ANO4: variants seen among roughly 807,000 people sequenced by gnomAD.
ANO4 encodes anoctamin-4.
ANO4 carries 69 observed loss-of-function variants against 141.9 expected under a neutral mutation model. That is an observed-to-expected ratio of 0.49 (90% CI 0.40 to 0.59). The LOEUF (loss-of-function observed/expected upper bound fraction) is 0.59, where lower values mean the gene tolerates loss of function less well. ANO4 is among the 20% of genes least tolerant of loss of function. The pLI is 0.00. For synonymous variants in ANO4, 350 were observed against 394.3 expected (o/e 0.89, Z 1.33); for missense variants, 894 against 1,162.2 (o/e 0.77, Z 3.36).
intron 1 of ANO4, among the ~76,000 whole-genome samples, chr12:100,801,897 A>C (rs556723566): frequency 2.0e-5 from 3 of 152,280 alleles, no homozygotes; most frequent in Admixed American, 6.5e-5. Context: ...GCCAAATAGA[A>C]ATTTGTTTGG....
chr12:101,088,194 T>G (rs2049587201), intron 17 of ANO4, among the ~76,000 whole-genome samples: 1 of 152,172 alleles, frequency 6.6e-6, no homozygotes, highest in Non-Finnish European at 1.5e-5. Context: ...CACTTGTCCT[T>G]TTGATGCTCT....
intron 3 of ANO4, among the ~76,000 whole-genome samples, chr12:100,751,092 C>T (rs2032354374): frequency 6.6e-6 from 1 of 152,140 alleles, no homozygotes; most frequent in South Asian, 2.1e-4. Flanking sequence ...TGTAACCTGC[C>T]ATCATTGCCT....
At chr12:100,805,041 A>G (rs887945005) in intron 1 of ANO4, among the ~76,000 whole-genome samples, 3 of 152,140 alleles carry the variant, frequency 2.0e-5, no homozygotes, top group African/African-American at 7.2e-5. Context: ...TGTGTCCTGA[A>G]TGGTATTGCC....
At chr12:100,901,418 C>T (rs2040586096) in intron 1 of ANO4, among the ~76,000 whole-genome samples, 1 of 152,104 alleles carries the variant, frequency 6.6e-6, no homozygotes, top group African/African-American at 2.4e-5. Flanking sequence ...CACATTTTCC[C>T]AGCATTTTGG....
intron 8 of ANO4, among the ~76,000 whole-genome samples, chr12:100,995,901 G>A (rs1483404618): frequency 6.6e-6 from 1 of 152,176 alleles, no homozygotes; most frequent in Non-Finnish European, 1.5e-5. Context: ...GTTACCGCTG[G>A]GGGACAGAGC....
chr12:100,915,462 C>T (rs1276066114), intron 2 of ANO4, among the ~76,000 whole-genome samples: 1 of 152,122 alleles, frequency 6.6e-6, no homozygotes, highest in Non-Finnish European at 1.5e-5. Flanking sequence ...TAGAAAATAT[C>T]ATTTGTCCTC....
At chr12:101,067,947 G>A (rs1329156220) in intron 14 of ANO4, among the ~76,000 whole-genome samples, 1 of 152,134 alleles carries the variant, frequency 6.6e-6, no homozygotes, top group Admixed American at 6.5e-5. Flanking sequence ...TTGGAATACT[G>A]GAGACTTCAT....
chr12:100,955,407 C>T (rs2043139742), intron 5 of ANO4, among the ~76,000 whole-genome samples: 1 of 152,194 alleles, frequency 6.6e-6, no homozygotes, highest in African/African-American at 2.4e-5. Context: ...TCTTCACAGG[C>T]TGCCTAGGCT....
intron 3 of ANO4, among the ~76,000 whole-genome samples, chr12:100,938,212 C>T (rs1027140767): frequency 6.6e-6 from 1 of 152,198 alleles, no homozygotes; most frequent in African/African-American, 2.4e-5. Flanking sequence ...CATCTCTATT[C>T]TCTCTATATC....
chr12:100,882,064 A>G (rs185606720), intron 1 of ANO4, among the ~76,000 whole-genome samples: 133 of 152,322 alleles, frequency 8.7e-4, no homozygotes, highest in African/African-American at 3.0e-3. Flanking sequence ...GTTAATGATA[A>G]TAATACCAAT....
At chr12:100,758,914 T>G (rs2032733582) in intron 3 of ANO4, among the ~76,000 whole-genome samples, 1 of 152,160 alleles carries the variant, frequency 6.6e-6, no homozygotes, top group African/African-American at 2.4e-5. Flanking sequence ...GTGTCTGTCT[T>G]CCCTTTTTCT....
intron 1 of ANO4, among the ~76,000 whole-genome samples, chr12:100,893,238 G>T (rs1345516533): frequency 6.6e-6 from 1 of 150,614 alleles, no homozygotes; most frequent in East Asian, 1.9e-4. Flanking sequence ...GCAAGAAGGA[G>T]GATTTTTTTT....
Position 100,783,024 on chromosome 12 carries a change from AC to A in ANO4, c.358+42920del, listed in dbSNP as rs536273048. Among the ~76,000 whole-genome samples the A allele has an allele frequency of 2.7e-4, 41 of 152,312 alleles. 1 individual carries two copies. The South Asian group carries it at 8.3e-3, about 31-fold the overall frequency. On this transcript the variant is annotated intron_variant, in intron 3 of 29. Coordinates refer to the ANO4 transcript ENST00000644049. The stretch of plus-strand genomic sequence containing the variant: ...CATTGTTAACAGAATCTGAATCCTC[AC>A]AGTGGCTCCGAGGTTGGAGGCTTCT...
chr12:100,717,811 C>T (rs2030676139), intron 1 of ANO4, among the ~76,000 whole-genome samples: 3 of 152,182 alleles, frequency 2.0e-5, no homozygotes, highest in Admixed American at 2.0e-4. Context: ...AGAAACATTC[C>T]CCTCGCTTCC....
chr12:101,038,883 T>G (rs1312106468), intron 10 of ANO4: 1 of 152,068 alleles, frequency 6.6e-6, no homozygotes, highest in African/African-American at 2.4e-5. Flanking sequence ...GAGACCAGCC[T>G]GGGCAACATA....
At chr12:100,726,227 C>T (rs2031110900) in intron 1 of ANO4, among the ~76,000 whole-genome samples, 1 of 152,040 alleles carries the variant, frequency 6.6e-6, no homozygotes, top group African/African-American at 2.4e-5. Flanking sequence ...CTGTGTTAAA[C>T]TTCAGTAAAA....
chr12:100,949,831 T>C (rs1472826569), intron 5 of ANO4, among the ~76,000 whole-genome samples: 9 of 152,212 alleles, frequency 5.9e-5, no homozygotes, highest in African/African-American at 2.2e-4. Context: ...CATCTGGGTA[T>C]AAAGTTATAG....
intron 3 of ANO4, among the ~76,000 whole-genome samples, chr12:100,776,501 G>A (rs1013992625): frequency 1.3e-5 from 2 of 152,162 alleles, no homozygotes; most frequent in African/African-American, 4.8e-5. Context: ...CCTTTCATTG[G>A]GGGATACAGG....
intron 14 of ANO4, among the ~76,000 whole-genome samples, chr12:101,078,807 C>T (rs2049128028): frequency 6.6e-6 from 1 of 152,076 alleles, no homozygotes; most frequent in Non-Finnish European, 1.5e-5. Flanking sequence ...TGCTTGCTTA[C>T]CCATGTTTAG....
Sources: gnomAD v4.1 joint callset for allele counts (sites outside exome capture counted in the v4.1 genomes callset) on GRCh38, gnomAD v4.1.1 for gene constraint, MANE v1.5 for transcripts, NCBI Gene and HGNC (gene_info 2026-07-23, HGNC 2026-07-21) for gene names.